Variants in MPPED2 observed in about 807,000 individuals in gnomAD.
MPPED2 encodes metallophosphoesterase domain containing 2, also known as metallophosphoesterase MPPED2.
In MPPED2, 5 loss-of-function variants were observed where a neutral mutation model predicts 33.0. The ratio of observed to expected loss-of-function variants is 0.15; its 90% CI spans 0.08 to 0.32. The LOEUF (loss-of-function observed/expected upper bound fraction) is 0.32, where lower values mean the gene tolerates loss of function less well. Among genes scored for constraint, MPPED2 ranks in the 10% least tolerant of loss-of-function variants. The pLI is 1.00. For missense variants in MPPED2, 275 were observed against 372.1 expected (o/e 0.74, Z 2.15); for synonymous variants, 136 against 141.9 (o/e 0.96, Z 0.29).
At chr11:30,473,639 TAA>T (rs11333246) in intron 4 of MPPED2, among the ~76,000 whole-genome samples, 3 of 146,328 alleles carry the variant, frequency 2.1e-5, no homozygotes, top group African/African-American at 7.5e-5. Context: ...TTGCTTCTAA[TAA>T]AAAAAAAAAG....
At chr11:30,448,970 A>G (rs1949933861) in intron 4 of MPPED2, among the ~76,000 whole-genome samples, 1 of 152,102 alleles carries the variant, frequency 6.6e-6, no homozygotes, top group Non-Finnish European at 1.5e-5. Flanking sequence ...CACTATTTTT[A>G]ACCACATGCT....
intron 6 of MPPED2, among the ~76,000 whole-genome samples, chr11:30,404,311 G>A (rs1947955703): frequency 6.6e-6 from 1 of 152,226 alleles, no homozygotes; most frequent in Non-Finnish European, 1.5e-5. Flanking sequence ...TGCTGAATGG[G>A]AGAAAACGAG....
At chr11:30,439,107 G>T (rs1949449629) in intron 4 of MPPED2, among the ~76,000 whole-genome samples, 1 of 152,188 alleles carries the variant, frequency 6.6e-6, no homozygotes. Flanking sequence ...AATTGGGAAA[G>T]GAATGGAGTC....
intron 3 of MPPED2, among the ~76,000 whole-genome samples, chr11:30,519,228 C>T (rs957265275): frequency 1.3e-5 from 2 of 151,934 alleles, no homozygotes; most frequent in African/African-American, 4.8e-5. Context: ...GTGATCATAC[C>T]ACTGCACTCC....
intron 3 of MPPED2, among the ~76,000 whole-genome samples, chr11:30,520,247 T>A (rs564442658): frequency 2.6e-5 from 4 of 152,212 alleles, no homozygotes; most frequent in Admixed American, 6.5e-5. Context: ...CCCAGTTTCA[T>A]AATGTACACA....
At chr11:30,412,523 A>G (rs1948153849) in intron 6 of MPPED2, among the ~76,000 whole-genome samples, 1 of 152,158 alleles carries the variant, frequency 6.6e-6, no homozygotes, top group East Asian at 1.9e-4. Context: ...AAGTAACTGA[A>G]AAGGCTTTTT....
At chr11:30,435,091 C>T (rs1185348006) in intron 4 of MPPED2, among the ~76,000 whole-genome samples, 2 of 152,326 alleles carry the variant, frequency 1.3e-5, no homozygotes, top group East Asian at 3.9e-4. Flanking sequence ...TTTGCGAGTG[C>T]ATTCCTAACA....
chr11:30,486,348 A>T (rs1951741391), intron 4 of MPPED2, among the ~76,000 whole-genome samples: 1 of 151,526 alleles, frequency 6.6e-6, no homozygotes, highest in Admixed American at 6.6e-5. Flanking sequence ...AAGTAGCCTG[A>T]ATATAACTGG....
At chr11:30,433,966 T>C (rs1319737520) in intron 4 of MPPED2, among the ~76,000 whole-genome samples, 1 of 152,142 alleles carries the variant, frequency 6.6e-6, no homozygotes, top group Non-Finnish European at 1.5e-5. Context: ...CTTTTACAGC[T>C]TCTAGAGGCT....
intron 4 of MPPED2, among the ~76,000 whole-genome samples, chr11:30,494,737 C>CAAAAAAAAAAAAAAAAAAAA (rs767500886): frequency 2.1e-5 from 1 of 47,614 alleles, no homozygotes; most frequent in Non-Finnish European, 3.9e-5. Context: ...TACTCCACCT[C>CAAAAAAAAAAAAAAAAAAAA]AAAAAAAAAA....
exon 7 of MPPED2, chr11:30,387,105 A>T (rs76853591): frequency 0.012 from 2,618 of 226,996 alleles, 103 homozygotes; most frequent in Admixed American, 0.08. Flanking sequence ...TATTATCTCA[A>T]TACTACAATT....
At chr11:30,578,198 C>T (rs3824982) in intron 2 of MPPED2, among the ~76,000 whole-genome samples, 27,833 of 152,036 alleles carry the variant, frequency 0.18, 2,981 homozygotes, top group South Asian at 0.28. Context: ...AAATGTGTTA[C>T]GCTCTGTAAG....
intron 4 of MPPED2, among the ~76,000 whole-genome samples, chr11:30,471,218 A>G (rs1950933610): frequency 6.6e-6 from 1 of 152,172 alleles, no homozygotes; most frequent in African/African-American, 2.4e-5. Context: ...AAGATCCTCA[A>G]CATCTTGTTC....
intron 6 of MPPED2, among the ~76,000 whole-genome samples, chr11:30,397,853 C>A (rs1052232486): frequency 1.3e-5 from 2 of 152,112 alleles, no homozygotes; most frequent in African/African-American, 4.8e-5. Flanking sequence ...CTGTTTACCA[C>A]CATTATCATC....
chr11:30,400,137 G>A (rs1340563965), intron 6 of MPPED2, among the ~76,000 whole-genome samples: 1 of 152,174 alleles, frequency 6.6e-6, no homozygotes, highest in African/African-American at 2.4e-5. Context: ...CTAGAGTAGA[G>A]TGGCACAATC....
chr11:30,484,945 T>C (rs554814225), intron 4 of MPPED2, among the ~76,000 whole-genome samples: 1 of 152,314 alleles, frequency 6.6e-6, no homozygotes, highest in African/African-American at 2.4e-5. Flanking sequence ...GCTTCTTCTC[T>C]TCTACCATGG....
chr11:30,530,775 G>A (rs1222883892), intron 3 of MPPED2, among the ~76,000 whole-genome samples: 1 of 152,208 alleles, frequency 6.6e-6, no homozygotes, highest in Non-Finnish European at 1.5e-5. Context: ...GCTACCAAAA[G>A]TATTCTGAAG....
Position 30,410,965 on chromosome 11 carries a change from C to G in MPPED2, c.*503G>C. 2.0e-6 allele frequency: 2 copies of G among 985,792 alleles called. No homozygotes were observed. The highest frequency in any genetic ancestry group is 2.4e-6 in the Non-Finnish European group (2 of 829,946). 61.1% of individuals were successfully genotyped at this position (985,792 alleles called of 1,614,324 possible). On this transcript the variant is annotated 3_prime_UTR_variant, in exon 7 of 7. Transcript: ENST00000358117. The stretch of plus-strand genomic sequence containing the variant: ...TGAAAAGAAGTCTTTTCCATGCCTA[C>G]TTCTGTTGAGAAGATTGCTATAAAT...
At chr11:30,461,610 G>T (rs1950521179) in intron 4 of MPPED2, among the ~76,000 whole-genome samples, 1 of 152,038 alleles carries the variant, frequency 6.6e-6, no homozygotes, top group Admixed American at 6.6e-5. Context: ...CCTGTTGCAG[G>T]ATAAAAAGAT....
Sources: allele counts gnomAD v4.1 joint callset (sites outside exome capture counted in the v4.1 genomes callset), GRCh38; gene constraint gnomAD v4.1.1; transcripts MANE v1.5; gene names NCBI Gene and HGNC (gene_info 2026-07-23, HGNC 2026-07-21).